The following PTPN14 variants were observed in gnomAD, a reference collection of about 807,000 sequenced individuals.
PTPN14 encodes protein tyrosine phosphatase non-receptor type 14.
A neutral mutation model predicts 126.8 loss-of-function variants in PTPN14; 53 were observed. That is an observed-to-expected ratio of 0.42 (90% CI 0.34 to 0.53). The LOEUF (loss-of-function observed/expected upper bound fraction) is 0.53, where lower values mean the gene tolerates loss of function less well. PTPN14 is among the 20% of genes least tolerant of loss of function. The pLI is 0.08. For synonymous variants in PTPN14, 630 were observed against 599.3 expected, an observed-to-expected ratio of 1.05 and a Z score of -0.75; for missense variants, 1,257 against 1,552.9, an observed-to-expected ratio of 0.81 and a Z score of 3.20.
chr1:214,355,472 G>A lies in PTPN14; in HGVS notation c.*2450C>T, dbSNP rs898843404. ...AAGGAAAGGAAACAAGTATCTTTTT[G>A]CTTATTGATGAGCTTCTTATAATAA... On this transcript the variant is annotated 3_prime_UTR_variant, in exon 19 of 19. Coordinates refer to ENST00000366956, the MANE Select transcript of PTPN14 (RefSeq NM_005401.5). 1 of 152,148 alleles carries A rather than the reference G, an allele frequency of 6.6e-6. No homozygotes were observed. The highest frequency in any genetic ancestry group is 1.5e-5 in the Non-Finnish European group (1 of 68,004). 9.4% of individuals were successfully genotyped at this position (152,148 alleles called of 1,614,324 possible).
In PTPN14 at chr1:214,551,372, G is replaced by A; in HGVS notation, c.-344C>T. The A allele has an allele frequency of 6.6e-6, 1 of 152,670 alleles. No individual in the cohort carries two copies. Among genetic ancestry groups the A allele is most frequent in the Non-Finnish European group, 1.5e-5 (1 of 68,286 alleles). The allele number at this position is 152,670 out of a possible 1,614,324, so 9.5% of individuals were successfully genotyped here. A position where few individuals can be genotyped will look rare whatever the true frequency, so the allele number is the denominator to read the frequency against. On this transcript the variant is annotated 5_prime_UTR_variant, in exon 1 of 19. Transcript: ENST00000366956. ...CCGGCGCGAGAGTCCGAGCAGAGGCGCACCGGGGGAGAAAAGGAGAAAAAC... is the reference window on the plus strand; with the variant it reads ...CCGGCGCGAGAGTCCGAGCAGAGGCACACCGGGGGAGAAAAGGAGAAAAAC...
rs201575839 is a variant in PTPN14 at position 214,401,785 on chromosome 1, T to C, written c.582-13A>G. 3.6e-5 allele frequency: 55 copies of C among 1,544,922 alleles called. No homozygotes were observed. In the Middle Eastern group the frequency reaches 6.7e-4, roughly 19 times the overall value. On this transcript the variant is annotated splice_polypyrimidine_tract_variant and intron_variant, in intron 6 of 18. Coordinates refer to ENST00000366956, the MANE Select transcript of PTPN14 (RefSeq NM_005401.5). ...TGGCAGGATTCCACTAAAATCAAAATAGCATCAAAGGAAGAAATGGTTAAG... is the reference window on the plus strand; with the variant it reads ...TGGCAGGATTCCACTAAAATCAAAACAGCATCAAAGGAAGAAATGGTTAAG...
intron 3 of PTPN14, among the ~76,000 whole-genome samples, chr1:214,433,505 G>T (rs1284973995): frequency 6.6e-6 from 1 of 152,026 alleles, no homozygotes; most frequent in Non-Finnish European, 1.5e-5. Context: ...GTTCATCACT[G>T]TCTACCTTTC....
intron 15 of PTPN14, among the ~76,000 whole-genome samples, chr1:214,374,687 C>T (rs536284854): frequency 3.9e-5 from 6 of 152,136 alleles, no homozygotes; most frequent in South Asian, 2.1e-4. Context: ...GCAAGGTCCA[C>T]GGGTCTATGA....
intron 1 of PTPN14, among the ~76,000 whole-genome samples, chr1:214,501,610 TTTTTCCTGTTGAACTCCCACC>T (rs1654701895): frequency 6.6e-6 from 1 of 152,154 alleles, no homozygotes; most frequent in Admixed American, 6.5e-5. Flanking sequence ...TATGCCTCTC[TTTTTCCTGTTGAACTCCCACC>T]TAACACTGGG....
At chr1:214,501,238 A>C (rs1179500201) in intron 1 of PTPN14, among the ~76,000 whole-genome samples, 1 of 152,136 alleles carries the variant, frequency 6.6e-6, no homozygotes, top group Non-Finnish European at 1.5e-5. Flanking sequence ...ATGAAAACAG[A>C]GTAAGTATTC....
At position 214,442,601 on chromosome 1, in the gene PTPN14, T is replaced by C. The variant is rs370342904; in HGVS notation, c.344+9204A>G. Among the ~76,000 whole-genome samples, 242 of 152,342 alleles carry C rather than the reference T, an allele frequency of 1.6e-3. 5 individuals are homozygous for C. In the South Asian group the frequency reaches 0.048, roughly 30 times the overall value. On this transcript the variant is annotated intron_variant, in intron 3 of 18. Transcript: ENST00000366956. ...AGTTTCCTCTTCATTATAGGACACCTACAATAAATAATAAGTTATGCCAAG... is the reference window on the plus strand; with the variant it reads ...AGTTTCCTCTTCATTATAGGACACCCACAATAAATAATAAGTTATGCCAAG...
At chr1:214,465,175 A>C (rs1244439990) in intron 1 of PTPN14, among the ~76,000 whole-genome samples, 1 of 152,220 alleles carries the variant, frequency 6.6e-6, no homozygotes, top group African/African-American at 2.4e-5. Flanking sequence ...GCTACTTTAC[A>C]GTTGAAGAAA....
chr1:214,490,987 GAA>G (rs1389149302), intron 1 of PTPN14, among the ~76,000 whole-genome samples: 7 of 114,748 alleles, frequency 6.1e-5, no homozygotes, highest in Middle Eastern at 4.5e-3. Flanking sequence ...AGGAAGGAAG[GAA>G]GGGAAGGAAA....
At chr1:214,382,364 C>T (rs1363202213) in intron 13 of PTPN14, among the ~76,000 whole-genome samples, 1 of 152,150 alleles carries the variant, frequency 6.6e-6, no homozygotes, top group East Asian at 1.9e-4. Context: ...TCCTGTCATC[C>T]AGGCTGGAGT....
intron 3 of PTPN14, among the ~76,000 whole-genome samples, chr1:214,430,633 T>C (rs908965138): frequency 6.6e-6 from 1 of 152,232 alleles, no homozygotes; most frequent in Non-Finnish European, 1.5e-5. Context: ...GTCTCCAGCC[T>C]GCTGGCCTGC....
Position 214,538,796 on chromosome 1 carries a change from G to A in PTPN14, c.-155+12387C>T, listed in dbSNP as rs115706270. ...GAATTTGCAGAACAAAGATTTTTCC[G>A]TACTGTATATATTAATATTAACCAC... On this transcript the variant is annotated intron_variant, in intron 1 of 18. Coordinates refer to ENST00000366956, the MANE Select transcript of PTPN14 (RefSeq NM_005401.5). Among the ~76,000 whole-genome samples the A allele has an allele frequency of 9.0e-3, 1,373 of 152,172 alleles. 11 individuals are homozygous for A. Among genetic ancestry groups the A allele is most frequent in the Non-Finnish European group, 0.015 (992 of 68,016 alleles).
chr1:214,379,224 AC>A (rs1453505293), intron 13 of PTPN14, among the ~76,000 whole-genome samples: 1 of 152,218 alleles, frequency 6.6e-6, no homozygotes, highest in African/African-American at 2.4e-5. Flanking sequence ...TTTGACTGAC[AC>A]AGATGAAGAG....
intron 1 of PTPN14, among the ~76,000 whole-genome samples, chr1:214,503,405 A>G (rs1654756926): frequency 6.6e-6 from 1 of 152,256 alleles, no homozygotes; most frequent in Non-Finnish European, 1.5e-5. Context: ...AAGAGACTGA[A>G]GCCAGAATTT....
chr1:214,468,829 C>T (rs533407517), intron 1 of PTPN14, among the ~76,000 whole-genome samples: 4 of 152,206 alleles, frequency 2.6e-5, no homozygotes, highest in Admixed American at 6.5e-5. Context: ...TTTCTATGGA[C>T]TTCTCTGATC....
intron 1 of PTPN14, among the ~76,000 whole-genome samples, chr1:214,466,149 C>G (rs1322894202): frequency 6.6e-6 from 1 of 151,112 alleles, no homozygotes; most frequent in Non-Finnish European, 1.5e-5. Context: ...TTTAATAGAG[C>G]CGGGGTTTCA....
chr1:214,465,454 T>A (rs1435285488), intron 1 of PTPN14, among the ~76,000 whole-genome samples: 1 of 151,686 alleles, frequency 6.6e-6, no homozygotes, highest in African/African-American at 2.4e-5. Flanking sequence ...TACAAAAAAA[T>A]AAATAAATAA....
At chr1:214,447,437 CT>C (rs1660170376) in intron 3 of PTPN14, among the ~76,000 whole-genome samples, 1 of 152,288 alleles carries the variant, frequency 6.6e-6, no homozygotes, top group South Asian at 2.1e-4. Context: ...CTCCTTTATT[CT>C]CTAGTCCATA....
intron 18 of PTPN14, among the ~76,000 whole-genome samples, chr1:214,360,316 T>C (rs1657925069): frequency 6.6e-6 from 1 of 151,990 alleles, no homozygotes; most frequent in Admixed American, 6.6e-5. Flanking sequence ...CTTGCGACGT[T>C]GCCTGGGCTA....
Sources: gnomAD v4.1 joint callset for allele counts (sites outside exome capture counted in the v4.1 genomes callset) on GRCh38, gnomAD v4.1.1 for gene constraint, MANE v1.5 for transcripts, NCBI Gene and HGNC (gene_info 2026-07-23, HGNC 2026-07-21) for gene names.